IRGM: variants seen among roughly 807,000 people sequenced by gnomAD.
The protein encoded by IRGM is immunity-related GTPase family M protein.
For synonymous variants in IRGM, 98 were observed against 80.6 expected, an observed-to-expected ratio of 1.22 and a Z score of -1.16; for missense variants, 288 against 219.9, an observed-to-expected ratio of 1.31 and a Z score of -1.96.
chr5:150,859,356 G>A (rs1209474042), intron 1 of IRGM, among the ~76,000 whole-genome samples: 23 of 152,234 alleles, frequency 1.5e-4, no homozygotes, highest in South Asian at 6.2e-4. Flanking sequence ...TTTTTGCATC[G>A]ATGTTCATCA....
intron 1 of IRGM, among the ~76,000 whole-genome samples, chr5:150,864,231 C>T (rs1456512328): frequency 1.3e-5 from 2 of 151,964 alleles, no homozygotes; most frequent in East Asian, 1.9e-4. Flanking sequence ...CAGCCAGACG[C>T]TTGACCTTCT....
In IRGM at chr5:150,858,262, T is replaced by C. The variant is rs1754086543; in HGVS notation, c.158+9608T>C. Among the ~76,000 whole-genome samples, 4 of 152,238 alleles carry C rather than the reference T, an allele frequency of 2.6e-5. No individual in the cohort carries two copies. In the South Asian group the frequency reaches 8.3e-4, roughly 32 times the overall value. On this transcript the variant is annotated intron_variant and NMD_transcript_variant, in intron 1 of 3. Transcript: ENST00000520549. ...GATATGCGGCATTATTTCTGAGGGC[T>C]CTGTTCTGTTCCATTGGTCTATATC... is the stretch of plus-strand genomic sequence containing the variant.
At chr5:150,851,416 G>A (rs1474482018), downstream of IRGM, among the ~76,000 whole-genome samples, 1 of 152,148 alleles carries the variant, frequency 6.6e-6, no homozygotes, top group African/African-American at 2.4e-5. Flanking sequence ...GAGCATCAGG[G>A]GGACCTCATC....
chr5:150,849,392 C>A (rs1316107801), downstream of IRGM, among the ~76,000 whole-genome samples: 2 of 151,694 alleles, frequency 1.3e-5, no homozygotes, highest in African/African-American at 4.8e-5. Context: ...TTGCAAGTGA[C>A]AAGAAAAACA....
chr5:150,868,638 A>G lies in IRGM; in HGVS notation c.159-9342A>G, dbSNP rs1303864518. On this transcript the variant is annotated intron_variant and NMD_transcript_variant, in intron 1 of 3. Transcript: ENST00000520549. Reference sequence around the variant, plus strand: ...GTGTTTCCATTTGTTTGTGTCACCTATGATTTCTTTCACCAGTGTTTTGAA... The same window carrying G: ...GTGTTTCCATTTGTTTGTGTCACCTGTGATTTCTTTCACCAGTGTTTTGAA... Among the ~76,000 whole-genome samples, 7 of 152,050 alleles carry G rather than the reference A, an allele frequency of 4.6e-5. No homozygotes were observed. The East Asian group carries it at 5.8e-4, about 13-fold the overall frequency.
intron 1 of IRGM, among the ~76,000 whole-genome samples, chr5:150,875,710 T>C (rs1189474301): frequency 6.6e-6 from 1 of 152,162 alleles, no homozygotes; most frequent in Non-Finnish European, 1.5e-5. Context: ...CTCAGCAACA[T>C]AGACTTCCAC....
At chr5:150,878,943 TAATGAAGCA>T (rs1335091755) in intron 2 of IRGM, among the ~76,000 whole-genome samples, 1 of 152,130 alleles carries the variant, frequency 6.6e-6, no homozygotes, top group Non-Finnish European at 1.5e-5. Context: ...ATAATTGATT[TAATGAAGCA>T]AATGAAAAAA....
At chr5:150,879,330 C>T (rs908781837) in intron 2 of IRGM, among the ~76,000 whole-genome samples, 9 of 152,214 alleles carry the variant, frequency 5.9e-5, no homozygotes, top group African/African-American at 1.9e-4. Flanking sequence ...ATTGAAACAC[C>T]AGTGTCAATC....
chr5:150,879,956 A>G (rs1754420764), intron 3 of IRGM, among the ~76,000 whole-genome samples: 1 of 152,226 alleles, frequency 6.6e-6, no homozygotes, highest in Non-Finnish European at 1.5e-5. Context: ...AAACGTGAGC[A>G]GCAGGCAAGA....
chr5:150,895,598 T>C (rs2113308780), intron 3 of IRGM: 1 of 1,613,496 alleles, frequency 6.2e-7, no homozygotes, highest in Non-Finnish European at 8.5e-7. Flanking sequence ...ATATGTAAGG[T>C]TTCTCTCCTG....
intron 1 of IRGM, among the ~76,000 whole-genome samples, chr5:150,857,014 T>C (rs576838222): frequency 4.6e-5 from 7 of 151,924 alleles, no homozygotes; most frequent in African/African-American, 1.2e-4. Flanking sequence ...ATGTGCCATG[T>C]TGGTGTGCTG....
chr5:150,860,645 G>C (rs1309354777), intron 1 of IRGM, among the ~76,000 whole-genome samples: 3 of 152,168 alleles, frequency 2.0e-5, no homozygotes, highest in Non-Finnish European at 4.4e-5. Flanking sequence ...TGGACAGACT[G>C]GCCAGCCTTC....
At chr5:150,884,426 G>C (rs980091764) in intron 3 of IRGM, among the ~76,000 whole-genome samples, 1 of 151,988 alleles carries the variant, frequency 6.6e-6, no homozygotes, top group Non-Finnish European at 1.5e-5. Context: ...ATTCCTCTGG[G>C]TATATACCCA....
Position 150,848,334 on chromosome 5 carries a change from G to C in IRGM, c.211G>C (p.Ala71Pro). 1 of 1,551,854 alleles carries C rather than the reference G, an allele frequency of 6.4e-7. No homozygotes were observed. Residue 71 changes from alanine (A) to proline (P), a missense_variant, in exon 2 of 2, where the codon GCT (alanine) becomes CCT (proline). Ala to Pro is a conservative substitution (Grantham distance 27). Coordinates refer to ENST00000522154, the MANE Select transcript of IRGM (RefSeq NM_001145805.2). ...CTCACCTCCTACTGAGCTGGTAAAA[G>C]CTACCCAAAGATGTGCCTCCTATTT... ...KASPPTELVK[A>P]TQRCASYFSS... is the part of the protein sequence containing the mutation.
downstream of IRGM, among the ~76,000 whole-genome samples, chr5:150,849,699 T>C (rs182190561): frequency 5.7e-3 from 857 of 150,528 alleles, 9 homozygotes; most frequent in African/African-American, 0.02. Flanking sequence ...TTCCGCCTCC[T>C]GGGTTCAAGC....
At chr5:150,893,474 A>C (rs80325837) in intron 3 of IRGM, among the ~76,000 whole-genome samples, 3 of 152,168 alleles carry the variant, frequency 2.0e-5, no homozygotes, top group African/African-American at 7.2e-5. Context: ...AGGTGTTGAT[A>C]TAAGGTTCAT....
At chr5:150,896,747 A>G (rs1754801080) in intron 3 of IRGM, 1 of 1,613,590 alleles carries the variant, frequency 6.2e-7, no homozygotes, top group Non-Finnish European at 8.5e-7. Context: ...CCAGTGGATT[A>G]TATTTATGCC....
In IRGM at chr5:150,896,076, T is replaced by C. The variant is rs371764879; in HGVS notation, c.*141-4513T>C. ...CAGCTGTGACTTCTGGGAAAAGGCC[T>C]TCCCACACTCTCTACATTCATAGGG... is the stretch of plus-strand genomic sequence containing the variant. On this transcript the variant is annotated intron_variant and NMD_transcript_variant, in intron 3 of 3. Coordinates refer to the IRGM transcript ENST00000520549. 7.4e-6 allele frequency: 12 copies of C among 1,613,550 alleles called. No individual in the cohort carries two copies. The African/African-American group carries it at 1.3e-4, about 18-fold the overall frequency.
intron 3 of IRGM, chr5:150,895,706 A>C: frequency 6.2e-7 from 1 of 1,613,494 alleles, no homozygotes; most frequent in African/African-American, 1.3e-5. Flanking sequence ...GAATTCTCTG[A>C]TGTCCAATGA....
Sources: gnomAD v4.1 joint callset for allele counts (sites outside exome capture counted in the v4.1 genomes callset) on GRCh38, gnomAD v4.1.1 for gene constraint, MANE v1.5 for transcripts, NCBI Gene and HGNC (gene_info 2026-07-23, HGNC 2026-07-21) for gene names.